Variants in TSPAN9 observed in about 807,000 individuals in gnomAD.
TSPAN9 encodes the protein tetraspanin-9.
In TSPAN9, 16 loss-of-function variants were observed where a neutral mutation model predicts 31.0. The observed-to-expected ratio is 0.52, with a 90% confidence interval of 0.35 to 0.78. TSPAN9 has a LOEUF of 0.78. TSPAN9 is among the 30% of genes least tolerant of loss of function. TSPAN9 has a pLI of 0.01. For synonymous variants in TSPAN9, 145 were observed against 121.6 expected (o/e 1.19, Z -1.27); for missense variants, 272 against 312.5 (o/e 0.87, Z 0.98).
rs2098387790 is a variant in TSPAN9, at chr12:3,226,763, TATATATATATATATATATATA to T, written c.63+25508_63+25528del. Among the ~76,000 whole-genome samples, 9 of 2,288 alleles carry T rather than the reference TATATATATATATATATATATA, an allele frequency of 3.9e-3. 1 individual carries two copies. The highest frequency in any genetic ancestry group is 5.6e-3 in the Non-Finnish European group (6 of 1,066). The allele number at this position is 2,288 out of a possible 152,430, so 1.5% of individuals were successfully genotyped here. On this transcript the variant is annotated intron_variant, in intron 3 of 8. Coordinates refer to ENST00000011898, the MANE Select transcript of TSPAN9 (RefSeq NM_006675.5). ...GTGTGTGTATATATATATATATATATATATATATATATATATATATATATATATATATTTTTTTTTTTTTTT... is the reference window on the plus strand; with the variant it reads ...GTGTGTGTATATATATATATATATATTATATATATATTTTTTTTTTTTTTT...
rs549600501 is a variant in TSPAN9, at chr12:3,184,330, G to A, written c.-17-16847G>A. Among the ~76,000 whole-genome samples the A allele has an allele frequency of 2.6e-5, 4 of 152,116 alleles. No homozygotes were observed. The South Asian group carries it at 8.3e-4, about 32-fold the overall frequency. On this transcript the variant is annotated intron_variant, in intron 2 of 8. Coordinates refer to ENST00000011898, the MANE Select transcript of TSPAN9 (RefSeq NM_006675.5). ...GGAGGCTCACTTGAACGCAGGAAGT[G>A]GAGGCTGCAGTGAGCTGAGATTGTG...
chr12:3,206,505 C>A, intron 3 of TSPAN9: 1 of 311,904 alleles, frequency 3.2e-6, no homozygotes, highest in South Asian at 2.6e-5. Flanking sequence ...TCTACACCCA[C>A]ACAGCCACTT....
At chr12:3,108,577 C>A (rs928027943) in intron 2 of TSPAN9, among the ~76,000 whole-genome samples, 1 of 152,178 alleles carries the variant, frequency 6.6e-6, no homozygotes, top group Admixed American at 6.5e-5. Flanking sequence ...TCCTTTCGAT[C>A]TTGAAACACC....
At chr12:3,242,394 C>T (rs2098397025) in intron 3 of TSPAN9, among the ~76,000 whole-genome samples, 1 of 152,356 alleles carries the variant, frequency 6.6e-6, no homozygotes, top group East Asian at 1.9e-4. Context: ...CAGCCAGCCC[C>T]ACCTCCCACC....
intron 2 of TSPAN9, among the ~76,000 whole-genome samples, chr12:3,097,718 G>A (rs1565574565): frequency 6.6e-6 from 1 of 152,228 alleles, no homozygotes; most frequent in Non-Finnish European, 1.5e-5. Context: ...CATGCCTCTG[G>A]GGGAGTTGCC....
intron 3 of TSPAN9, among the ~76,000 whole-genome samples, chr12:3,260,305 C>T (rs919791261): frequency 3.3e-5 from 5 of 152,236 alleles, no homozygotes; most frequent in Non-Finnish European, 5.9e-5. Context: ...CATTAGCAGT[C>T]CCTGTTGTCA....
intron 2 of TSPAN9, among the ~76,000 whole-genome samples, chr12:3,113,202 G>A (rs1345253857): frequency 4.6e-5 from 7 of 152,204 alleles, no homozygotes; most frequent in African/African-American, 4.8e-5. Context: ...AGCGGGAAGT[G>A]TGGTGGAGAA....
intron 2 of TSPAN9, among the ~76,000 whole-genome samples, chr12:3,122,376 A>C (rs1029391385): frequency 6.6e-6 from 1 of 151,800 alleles, no homozygotes; most frequent in African/African-American, 2.4e-5. Context: ...GTGCAGTAGC[A>C]CAATCATAGC....
chr12:3,274,080 G>A (rs896904796), intron 3 of TSPAN9, among the ~76,000 whole-genome samples: 7 of 152,216 alleles, frequency 4.6e-5, no homozygotes, highest in Admixed American at 1.3e-4. Flanking sequence ...GACAATTGGG[G>A]CCAGACAGTT....
In TSPAN9 at chr12:3,143,846, GA is replaced by G. The variant is rs1486190911; in HGVS notation, c.-17-57329del. On this transcript the variant is annotated intron_variant, in intron 2 of 8. Transcript: ENST00000011898. This position sits in a 1 kb window ranked among gnomAD's most constrained non-coding sequence, Gnocchi z 4.2. ...GTTATGTTTCTCCTGCCCCAGGCCTGAATCAATCACTTCTCTAAGGAGCTCT... is the reference window on the plus strand; with the variant it reads ...GTTATGTTTCTCCTGCCCCAGGCCTGATCAATCACTTCTCTAAGGAGCTCT... Among the ~76,000 whole-genome samples the G allele has an allele frequency of 6.6e-6, 1 of 152,156 alleles. No homozygotes were observed. The highest frequency in any genetic ancestry group is 6.5e-5 in the Admixed American group (1 of 15,274).
At chr12:3,194,179 G>A (rs1402269049) in intron 2 of TSPAN9, among the ~76,000 whole-genome samples, 2 of 152,168 alleles carry the variant, frequency 1.3e-5, no homozygotes, top group Non-Finnish European at 2.9e-5. Flanking sequence ...GCACTGAGGG[G>A]TGGGGTAAAA....
intron 2 of TSPAN9, among the ~76,000 whole-genome samples, chr12:3,148,633 A>G (rs1055663861): frequency 6.6e-6 from 1 of 152,256 alleles, no homozygotes; most frequent in African/African-American, 2.4e-5. Context: ...TGTGGAATCC[A>G]GAGACGACTG....
At chr12:3,227,665 G>A (rs541418063) in intron 3 of TSPAN9, among the ~76,000 whole-genome samples, 1 of 152,136 alleles carries the variant, frequency 6.6e-6, no homozygotes. Context: ...CTTCTCACAC[G>A]GACTCACACT....
intron 2 of TSPAN9, among the ~76,000 whole-genome samples, chr12:3,101,790 G>A (rs143433022): frequency 4.5e-4 from 69 of 152,310 alleles, no homozygotes; most frequent in Non-Finnish European, 8.8e-4. Flanking sequence ...TTGAGACAGA[G>A]GATGGCTCTG....
intron 2 of TSPAN9, among the ~76,000 whole-genome samples, chr12:3,105,806 G>T (rs908130470): frequency 5.5e-5 from 6 of 108,494 alleles, no homozygotes; most frequent in Non-Finnish European, 1.4e-4. Context: ...GCACACATGC[G>T]CACACACGCA....
chr12:3,230,912 G>A (rs1320856045), intron 3 of TSPAN9, among the ~76,000 whole-genome samples: 2 of 152,134 alleles, frequency 1.3e-5, no homozygotes, highest in African/African-American at 4.8e-5. Flanking sequence ...CCCCCATTCA[G>A]TAGGATCTCA....
chr12:3,088,712 G>A lies in TSPAN9; in HGVS notation c.-18+4993G>A, dbSNP rs1011069930. On this transcript the variant is annotated intron_variant, in intron 2 of 8. Coordinates refer to ENST00000011898, the MANE Select transcript of TSPAN9 (RefSeq NM_006675.5). Reference sequence around the variant, plus strand: ...CATTTGAGAAACTCAGAGGGGATCAGGCTGGGCCTTGAGGGAGGGCTGGGA... The same window carrying A: ...CATTTGAGAAACTCAGAGGGGATCAAGCTGGGCCTTGAGGGAGGGCTGGGA... Among the ~76,000 whole-genome samples, 6 of 152,344 alleles carry A rather than the reference G, an allele frequency of 3.9e-5. No individual in the cohort carries two copies. In the East Asian group the frequency reaches 5.8e-4, roughly 15 times the overall value.
At chr12:3,189,886 T>C (rs546513280) in intron 2 of TSPAN9, among the ~76,000 whole-genome samples, 262 of 152,246 alleles carry the variant, frequency 1.7e-3, no homozygotes, top group African/African-American at 5.6e-3. Context: ...AGTGACTTAA[T>C]GCACTGCGGG....
intron 2 of TSPAN9, among the ~76,000 whole-genome samples, chr12:3,166,512 A>G (rs1307394382): frequency 6.6e-6 from 1 of 152,250 alleles, no homozygotes; most frequent in Non-Finnish European, 1.5e-5. Flanking sequence ...TTTTACATGA[A>G]CAGCTTTGTC....
Sources: allele counts gnomAD v4.1 joint callset (sites outside exome capture counted in the v4.1 genomes callset), GRCh38; gene constraint gnomAD v4.1.1; non-coding constraint Gnocchi (gnomAD v3.1); transcripts MANE v1.5; gene names NCBI Gene and HGNC (gene_info 2026-07-23, HGNC 2026-07-21).